Variants in ATP9B observed in about 807,000 individuals in gnomAD.
The protein encoded by ATP9B is ATPase phospholipid transporting 9B, also known as probable phospholipid-transporting ATPase IIB.
In ATP9B, 110 loss-of-function variants were observed where a neutral mutation model predicts 146.1. The ratio of observed to expected loss-of-function variants is 0.75; its 90% CI spans 0.65 to 0.88. The LOEUF is 0.88. ATP9B is among the 40% of genes least tolerant of loss of function. The pLI is 0.00. For synonymous variants in ATP9B, 604 were observed against 569.7 expected (o/e 1.06, Z -0.86); for missense variants, 1,499 against 1,496.4 (o/e 1.00, Z -0.03).
At chr18:79,142,926 A>G (rs2094531400) in intron 5 of ATP9B, among the ~76,000 whole-genome samples, 2 of 152,364 alleles carry the variant, frequency 1.3e-5, no homozygotes, top group African/African-American at 4.8e-5. Flanking sequence ...ATAGCTGTCA[A>G]CATAAACTGA....
intron 4 of ATP9B, chr18:79,117,670 C>G (rs764706126): frequency 6.6e-6 from 1 of 152,010 alleles, no homozygotes; most frequent in Non-Finnish European, 1.5e-5. Flanking sequence ...AAAAGGAAGC[C>G]GTATGTTTGT....
At position 79,081,874 on chromosome 18, in the gene ATP9B, G is replaced by A. The variant is rs539165563; in HGVS notation, c.119+12345G>A. Among the ~76,000 whole-genome samples the A allele has an allele frequency of 2.2e-4, 33 of 151,988 alleles. No homozygotes were observed. In the South Asian group the frequency reaches 6.8e-3, roughly 32 times the overall value. On this transcript the variant is annotated intron_variant, in intron 1 of 29. Transcript: ENST00000426216. ...TCATTTCAACCTTAGTGAATCTGACGATTATGTGTCTTGGGGTTGCTGTTC... is the reference window on the plus strand; with the variant it reads ...TCATTTCAACCTTAGTGAATCTGACAATTATGTGTCTTGGGGTTGCTGTTC...
chr18:79,147,912 T>G (rs2094617727), intron 6 of ATP9B, among the ~76,000 whole-genome samples: 1 of 152,060 alleles, frequency 6.6e-6, no homozygotes, highest in South Asian at 2.1e-4. Flanking sequence ...TTAATAAAAT[T>G]GATAGACCTT....
chr18:79,127,040 C>A (rs2094298861), intron 5 of ATP9B, among the ~76,000 whole-genome samples: 1 of 152,162 alleles, frequency 6.6e-6, no homozygotes, highest in South Asian at 2.1e-4. Flanking sequence ...CACTGAAAAA[C>A]TGAATGGGTA....
At chr18:79,185,213 G>A (rs1040997313) in intron 8 of ATP9B, among the ~76,000 whole-genome samples, 6 of 152,068 alleles carry the variant, frequency 3.9e-5, no homozygotes, top group South Asian at 2.1e-4. Context: ...CACTTTAAAC[G>A]TGCAGTTATT....
intron 8 of ATP9B, among the ~76,000 whole-genome samples, chr18:79,182,627 G>A (rs1380713710): frequency 8.0e-6 from 1 of 124,742 alleles, no homozygotes; most frequent in Non-Finnish European, 1.6e-5. Context: ...TTTTCCAGTT[G>A]TTTTCATGGG....
chr18:79,362,904 C>T (rs571832193), intron 26 of ATP9B: 61 of 152,316 alleles, frequency 4.0e-4, no homozygotes, highest in African/African-American at 1.4e-3. Context: ...CGGACCCCTT[C>T]ACTAATTTTT....
Position 79,337,320 on chromosome 18 carries a change from C to T in ATP9B, c.2154C>T (p.Ser718=). ...CCAAGCTGAGCATGCACGACAGGTCCCTCAAGGTGGCCGCGGTAGTCGAGA... is the reference window on the plus strand; with the variant it reads ...CCAAGCTGAGCATGCACGACAGGTCTCTCAAGGTGGCCGCGGTAGTCGAGA... ...TQAKLSMHDR[S]LKVAAVVESL... Residue 718 remains serine, a synonymous_variant, in exon 19 of 30, where the codon TCC becomes TCT. Transcript: ENST00000426216. The T allele has an allele frequency of 2.5e-6, 4 of 1,614,118 alleles. No individual in the cohort carries two copies. Among genetic ancestry groups the T allele is most frequent in the Non-Finnish European group, 3.4e-6 (4 of 1,180,030 alleles).
intron 17 of ATP9B, among the ~76,000 whole-genome samples, chr18:79,334,587 G>A (rs2096810672): frequency 6.6e-6 from 1 of 151,984 alleles, no homozygotes; most frequent in African/African-American, 2.4e-5. Flanking sequence ...AGAGGGGGGT[G>A]GGGTTGTCTC....
At chr18:79,119,070 T>TAA (rs749365383) in intron 4 of ATP9B, among the ~76,000 whole-genome samples, 5 of 138,728 alleles carry the variant, frequency 3.6e-5, no homozygotes, top group Non-Finnish European at 6.3e-5. Context: ...GACCGTGTCT[T>TAA]AAAAAAAAAA....
chr18:79,154,024 T>A (rs2094732590), intron 6 of ATP9B, among the ~76,000 whole-genome samples: 1 of 144,840 alleles, frequency 6.9e-6, no homozygotes, highest in African/African-American at 2.6e-5. Flanking sequence ...AGTGGCACAA[T>A]CTCCACTCAC....
chr18:79,267,473 G>A (rs1473709247), intron 12 of ATP9B, among the ~76,000 whole-genome samples: 1 of 151,872 alleles, frequency 6.6e-6, no homozygotes, highest in African/African-American at 2.4e-5. Context: ...TGCCCCCTTT[G>A]TGAATATATG....
chr18:79,351,113 T>G (rs1022264841), intron 25 of ATP9B, among the ~76,000 whole-genome samples: 5 of 152,234 alleles, frequency 3.3e-5, no homozygotes, highest in African/African-American at 1.2e-4. Context: ...GTAATACTGA[T>G]TGCATCTTGA....
At chr18:79,170,229 A>G (rs1600134121) in intron 7 of ATP9B, among the ~76,000 whole-genome samples, 1 of 152,204 alleles carries the variant, frequency 6.6e-6, no homozygotes, top group East Asian at 1.9e-4. Flanking sequence ...CCAGAGCCAC[A>G]CTGGGCCTGG....
intron 7 of ATP9B, among the ~76,000 whole-genome samples, chr18:79,164,768 G>T (rs1278271588): frequency 6.6e-6 from 1 of 152,138 alleles, no homozygotes; most frequent in Non-Finnish European, 1.5e-5. Flanking sequence ...AGATAGGGCA[G>T]ATTTAGGCAC....
chr18:79,073,824 A>G (rs948436467), intron 1 of ATP9B, among the ~76,000 whole-genome samples: 4 of 152,220 alleles, frequency 2.6e-5, no homozygotes, highest in Non-Finnish European at 4.4e-5. Context: ...TGATTGTGGA[A>G]GCATTTTTAT....
chr18:79,154,150 A>G (rs952110883), intron 6 of ATP9B, among the ~76,000 whole-genome samples: 2 of 150,186 alleles, frequency 1.3e-5, no homozygotes, highest in African/African-American at 4.9e-5. Flanking sequence ...TTTAGTAGAG[A>G]CAAGGTTTCA....
At chr18:79,231,803 T>TATATATATAC (rs569726473) in intron 11 of ATP9B, among the ~76,000 whole-genome samples, 1,468 of 114,612 alleles carry the variant, frequency 0.013, 13 homozygotes, top group Middle Eastern at 0.028. Context: ...TATATATATA[T>TATATATATAC]ACACACACAC....
intron 13 of ATP9B, among the ~76,000 whole-genome samples, chr18:79,289,960 C>T (rs1000237263): frequency 3.9e-5 from 6 of 152,248 alleles, no homozygotes; most frequent in Non-Finnish European, 7.4e-5. Flanking sequence ...GCTGTCTGAT[C>T]GTTCCTCTGG....
Sources: gnomAD v4.1 joint callset for allele counts (sites outside exome capture counted in the v4.1 genomes callset) on GRCh38, gnomAD v4.1.1 for gene constraint, MANE v1.5 for transcripts, NCBI Gene and HGNC (gene_info 2026-07-23, HGNC 2026-07-21) for gene names.